Variants in LEKR1 observed in about 807,000 individuals in gnomAD.
LEKR1 encodes the protein protein LEKR1.
A neutral mutation model predicts 72.4 loss-of-function variants in LEKR1; 59 were observed. The ratio of observed to expected loss-of-function variants is 0.82; its 90% CI spans 0.66 to 1.01. The LOEUF is 1.01. LEKR1 is among the 50% of genes least tolerant of loss of function. The pLI, the probability that LEKR1 is intolerant of heterozygous loss-of-function variation, is 0.00. For missense variants in LEKR1, 728 were observed against 759.2 expected (o/e 0.96, Z 0.48); for synonymous variants, 257 against 263.2 (o/e 0.98, Z 0.23).
chr3:156,950,956 G>GAAT (rs1727102332), intron 6 of LEKR1, among the ~76,000 whole-genome samples: 1 of 151,678 alleles, frequency 6.6e-6, no homozygotes, highest in South Asian at 2.1e-4. Context: ...GTTTTCAAGG[G>GAAT]AATACTTCCA....
At chr3:156,937,502 G>T (rs980562084) in intron 5 of LEKR1, among the ~76,000 whole-genome samples, 2 of 152,108 alleles carry the variant, frequency 1.3e-5, no homozygotes, top group Non-Finnish European at 2.9e-5. Flanking sequence ...GTCTAAAATT[G>T]AAAAGACTGA....
chr3:156,948,969 A>C (rs764721293), intron 6 of LEKR1, among the ~76,000 whole-genome samples: 1 of 151,526 alleles, frequency 6.6e-6, no homozygotes, highest in Non-Finnish European at 1.5e-5. Context: ...TCTTTTGAGA[A>C]GTGTCTGTTC....
chr3:157,016,316 T>C (rs1292809516), intron 10 of LEKR1, among the ~76,000 whole-genome samples: 3 of 152,086 alleles, frequency 2.0e-5, no homozygotes, highest in Admixed American at 6.6e-5. Flanking sequence ...AAAAAGAATA[T>C]TTTAAAGCAA....
chr3:156,879,520 T>C (rs1463510968), intron 3 of LEKR1, among the ~76,000 whole-genome samples: 1 of 152,168 alleles, frequency 6.6e-6, no homozygotes, highest in African/African-American at 2.4e-5. Context: ...TAATATATGA[T>C]AGAAAAGAAA....
chr3:156,953,399 T>C (rs2874493), intron 6 of LEKR1, among the ~76,000 whole-genome samples: 5,118 of 151,706 alleles, frequency 0.034, 322 homozygotes, highest in African/African-American at 0.12. Flanking sequence ...GCAGGTTTGT[T>C]ACACAGGTAA....
At chr3:156,944,128 G>A (rs567130136) in intron 6 of LEKR1, among the ~76,000 whole-genome samples, 1 of 150,912 alleles carries the variant, frequency 6.6e-6, no homozygotes, top group East Asian at 2.0e-4. Context: ...TTGTTTCTGG[G>A]TAGTCTTATT....
At chr3:156,936,463 ACACCCC>A (rs757203752) in intron 5 of LEKR1, among the ~76,000 whole-genome samples, 4 of 122,404 alleles carry the variant, frequency 3.3e-5, no homozygotes, top group African/African-American at 8.6e-5. Flanking sequence ...ACACACACAC[ACACCCC>A]CCGTATGCCT....
intron 2 of LEKR1, among the ~76,000 whole-genome samples, chr3:156,839,313 T>G (rs1713580608): frequency 6.6e-6 from 1 of 152,180 alleles, no homozygotes; most frequent in Non-Finnish European, 1.5e-5. Flanking sequence ...AACAGTAGTC[T>G]ATGGAAAGGA....
At chr3:156,849,393 A>G (rs1414646672) in intron 2 of LEKR1, among the ~76,000 whole-genome samples, 6 of 152,208 alleles carry the variant, frequency 3.9e-5, no homozygotes, top group Non-Finnish European at 8.8e-5. Context: ...TCTTCACAGA[A>G]TTGGAAAAAA....
intron 12 of LEKR1, among the ~76,000 whole-genome samples, chr3:157,036,913 C>T (rs1735006422): frequency 6.6e-6 from 1 of 151,984 alleles, no homozygotes; most frequent in South Asian, 2.1e-4. Context: ...GAAAATGAAG[C>T]AGAAAAATTA....
intron 3 of LEKR1, among the ~76,000 whole-genome samples, chr3:156,870,317 A>G (rs1717776793): frequency 6.6e-6 from 1 of 151,962 alleles, no homozygotes; most frequent in Non-Finnish European, 1.5e-5. Flanking sequence ...TAATGATACT[A>G]ATTTTTCTTA....
rs1735687661 is a variant in LEKR1, at chr3:157,045,522, T to A, written c.1851T>A (p.His617Gln). The stretch of plus-strand genomic sequence containing the variant: ...CCCCTGCTGCAGCAGTCAGTAATCA[T>A]GGAGAGAGAAGCCTTGCAAGACTGA... ...LTSPAAAVSN[H>Q]GERSLARLNS... The change falls in exon 13 of 13, where the codon CAT becomes CAA. Residue 617 changes from histidine to glutamine, a missense_variant. By Grantham distance (24) the His-to-Gln change is conservative (BLOSUM62 0). Transcript: ENST00000356539. 2.5e-6 allele frequency: 4 copies of A among 1,613,978 alleles called. No individual in the cohort carries two copies. Among genetic ancestry groups the A allele is most frequent in the Non-Finnish European group, 3.4e-6 (4 of 1,180,004 alleles).
rs6769646 is a variant in LEKR1 at position 157,033,908 on chromosome 3, A to C, written c.1668+5506A>C. ...GAAGCCAATGCTCATTTACCATCCC[A>C]AAAATCCTAACACCCTTAAGAATTA... On this transcript the variant is annotated intron_variant, in intron 12 of 12. Transcript: ENST00000356539. 4.2e-3 allele frequency among the ~76,000 whole-genome samples: 638 copies of C among 152,272 alleles called. 2 individuals are homozygous for C. Among genetic ancestry groups the C allele is most frequent in the African/African-American group, 0.015 (604 of 41,552 alleles).
At chr3:156,893,295 A>G (rs761620681) in intron 3 of LEKR1, among the ~76,000 whole-genome samples, 1 of 152,150 alleles carries the variant, frequency 6.6e-6, no homozygotes, top group Non-Finnish European at 1.5e-5. Context: ...AGATTTCACG[A>G]TGTAAGGAGT....
At chr3:156,914,388 C>T (rs1421714015) in intron 3 of LEKR1, among the ~76,000 whole-genome samples, 2 of 152,134 alleles carry the variant, frequency 1.3e-5, no homozygotes, top group African/African-American at 4.8e-5. Context: ...TATTCATCTC[C>T]CACTTATGAG....
intron 2 of LEKR1, among the ~76,000 whole-genome samples, chr3:156,848,932 A>C (rs1456828587): frequency 6.6e-6 from 1 of 152,184 alleles, no homozygotes; most frequent in African/African-American, 2.4e-5. Flanking sequence ...TTTAGGGTAC[A>C]TGTGCATTCA....
chr3:156,963,402 C>G (rs1011982124), intron 6 of LEKR1, among the ~76,000 whole-genome samples: 16 of 152,254 alleles, frequency 1.1e-4, no homozygotes, highest in African/African-American at 3.9e-4. Flanking sequence ...CAGAACATAC[C>G]GGCTGCTCAT....
chr3:156,950,976 C>T (rs998361678), intron 6 of LEKR1, among the ~76,000 whole-genome samples: 9 of 151,668 alleles, frequency 5.9e-5, no homozygotes, highest in Non-Finnish European at 1.3e-4. Flanking sequence ...AGCTTTTGCC[C>T]ATTCAATATG....
intron 2 of LEKR1, among the ~76,000 whole-genome samples, chr3:156,844,876 T>C (rs1410200712): frequency 2.6e-5 from 4 of 151,288 alleles, no homozygotes; most frequent in Admixed American, 1.3e-4. Context: ...TGGCCAAGAG[T>C]TCAATTGCTA....
Sources: allele counts gnomAD v4.1 joint callset (sites outside exome capture counted in the v4.1 genomes callset), GRCh38; gene constraint gnomAD v4.1.1; transcripts MANE v1.5; gene names NCBI Gene and HGNC (gene_info 2026-07-23, HGNC 2026-07-21).